Variants in ARNT2 observed in about 807,000 individuals in gnomAD.
The protein encoded by ARNT2 is aryl hydrocarbon receptor nuclear translocator 2.
ARNT2 carries 36 observed loss-of-function variants against 91.7 expected under a neutral mutation model. That is an observed-to-expected ratio of 0.39 (90% confidence interval 0.30 to 0.52). ARNT2 has a LOEUF of 0.52. ARNT2 is among the 20% of genes least tolerant of loss of function. The probability of loss-of-function intolerance (pLI) is 0.72; values close to 1 mark genes in which losing one functional copy is unlikely to be tolerated. For missense variants in ARNT2, 775 were observed against 939.3 expected (o/e 0.83, Z 2.29); for synonymous variants, 365 against 347.1 (o/e 1.05, Z -0.57).
chr15:80,557,776 C>T (rs1305707167), intron 11 of ARNT2, among the ~76,000 whole-genome samples: 2 of 152,132 alleles, frequency 1.3e-5, no homozygotes, highest in Non-Finnish European at 2.9e-5. Context: ...TTTCCTACCC[C>T]CCTGAACCAG....
chr15:80,573,964 T>C (rs1898624875), intron 12 of ARNT2, 184 bp from the exon 13 acceptor site: 16 of 576,528 alleles, frequency 2.8e-5, no homozygotes, highest in South Asian at 2.8e-4. Context: ...AGCCTAAACA[T>C]GAAATGCAAT....
At chr15:80,491,265 G>A (rs183131270) in intron 5 of ARNT2, among the ~76,000 whole-genome samples, 2 of 152,284 alleles carry the variant, frequency 1.3e-5, no homozygotes, top group East Asian at 3.9e-4. Context: ...CACATGGCTG[G>A]GGAGGCCTCA....
intron 1 of ARNT2, among the ~76,000 whole-genome samples, chr15:80,429,687 G>A (rs572384440): frequency 6.6e-6 from 1 of 152,318 alleles, no homozygotes; most frequent in East Asian, 1.9e-4. Flanking sequence ...TCTGAAGTGG[G>A]GCAGTCGTGT....
intron 12 of ARNT2, among the ~76,000 whole-genome samples, chr15:80,569,258 G>C (rs576138144): frequency 1.3e-5 from 2 of 152,116 alleles, no homozygotes; most frequent in African/African-American, 4.8e-5. Flanking sequence ...CCTGCACCTC[G>C]CCGGCAGGAA....
chr15:80,519,407 G>T (rs1214011567), intron 8 of ARNT2, among the ~76,000 whole-genome samples: 1 of 152,162 alleles, frequency 6.6e-6, no homozygotes, highest in Admixed American at 6.5e-5. Context: ...ATATACAATT[G>T]GTGGGGGCAG....
intron 8 of ARNT2, among the ~76,000 whole-genome samples, chr15:80,518,836 G>C (rs1418154162): frequency 6.6e-6 from 1 of 152,172 alleles, no homozygotes; most frequent in African/African-American, 2.4e-5. Context: ...TTCTGGTAAA[G>C]TCTTTTCTCT....
intron 1 of ARNT2, among the ~76,000 whole-genome samples, chr15:80,435,864 A>G (rs1896077794): frequency 7.1e-6 from 1 of 141,088 alleles, no homozygotes; most frequent in Admixed American, 7.4e-5. Flanking sequence ...GGTAAAAGGA[A>G]TTTGAGGAGA....
chr15:80,579,374 A>C (rs562017790), intron 15 of ARNT2, among the ~76,000 whole-genome samples: 2 of 152,246 alleles, frequency 1.3e-5, no homozygotes, highest in Non-Finnish European at 2.9e-5. Flanking sequence ...CTTGTTTTAC[A>C]ATGATCAGCT....
chr15:80,545,076 C>T (rs1260479570), intron 8 of ARNT2, among the ~76,000 whole-genome samples: 2 of 152,180 alleles, frequency 1.3e-5, no homozygotes, highest in Non-Finnish European at 2.9e-5. Context: ...AAGGACACCT[C>T]CTACCCTGAA....
intron 1 of ARNT2, chr15:80,444,904 T>C (rs1047453958): frequency 2.0e-5 from 3 of 149,694 alleles, no homozygotes; most frequent in African/African-American, 7.5e-5. Flanking sequence ...ATGGTGTGTA[T>C]GTATGTTGCT....
intron 5 of ARNT2, among the ~76,000 whole-genome samples, chr15:80,503,979 G>A (rs1595988892): frequency 6.6e-6 from 1 of 152,220 alleles, no homozygotes; most frequent in Non-Finnish European, 1.5e-5. Context: ...GACCATGTGT[G>A]CAGGATAGTT....
chr15:80,446,904 T>C (rs573602420), intron 1 of ARNT2, among the ~76,000 whole-genome samples: 17 of 152,370 alleles, frequency 1.1e-4, no homozygotes, highest in Admixed American at 9.8e-4. Flanking sequence ...CAGTTATATA[T>C]ACTTTCTCCT....
intron 11 of ARNT2, 123 bp from the exon 12 acceptor site, chr15:80,562,965 A>T: frequency 9.5e-7 from 1 of 1,057,094 alleles, no homozygotes; most frequent in Non-Finnish European, 1.4e-6. Context: ...TCTTTTAGCC[A>T]CAATGCCCCT....
chr15:80,515,582 G>T, intron 8 of ARNT2, among the ~76,000 whole-genome samples: 1 of 152,116 alleles, frequency 6.6e-6, no homozygotes, highest in East Asian at 1.9e-4. Context: ...GGTACTGCAG[G>T]GAAGAATGAG....
At chr15:80,432,688 G>T (rs1314834260) in intron 1 of ARNT2, among the ~76,000 whole-genome samples, 1 of 151,972 alleles carries the variant, frequency 6.6e-6, no homozygotes, top group African/African-American at 2.4e-5. Context: ...TGCTTGGGCT[G>T]AGGCCTCTGA....
At chr15:80,524,100 A>G (rs1317960495) in intron 8 of ARNT2, among the ~76,000 whole-genome samples, 5 of 152,238 alleles carry the variant, frequency 3.3e-5, no homozygotes, top group Admixed American at 6.5e-5. Flanking sequence ...GAAATGAGCA[A>G]AGGCAATGAA....
chr15:80,497,048 C>A (rs1566987370), intron 5 of ARNT2, among the ~76,000 whole-genome samples: 1 of 152,194 alleles, frequency 6.6e-6, no homozygotes, highest in Admixed American at 6.5e-5. Flanking sequence ...GGAAGGGAGG[C>A]AAGCTATCTG....
chr15:80,570,782 T>A lies in ARNT2; in HGVS notation c.1317-3366T>A, dbSNP rs1348577067. Reference sequence around the variant, plus strand: ...CCCACGCCTGTCTTTCCCTGGAGACTGTCAGTTCCATGAGGGCAGGGATCT... The same window carrying A: ...CCCACGCCTGTCTTTCCCTGGAGACAGTCAGTTCCATGAGGGCAGGGATCT... On this transcript the variant is annotated intron_variant, in intron 12 of 18. Coordinates refer to ENST00000303329, the MANE Select transcript of ARNT2 (RefSeq NM_014862.4). 2.6e-5 allele frequency among the ~76,000 whole-genome samples: 4 copies of A among 152,226 alleles called. No homozygotes were observed. In the South Asian group the frequency reaches 8.3e-4, roughly 32 times the overall value.
In ARNT2 at chr15:80,576,931, C is replaced by G. The variant is rs1363852743; in HGVS notation, c.1579C>G (p.Pro527Ala). The G allele has an allele frequency of 6.2e-7, 1 of 1,614,094 alleles. No homozygotes were observed. Among genetic ancestry groups the G allele is most frequent in the Non-Finnish European group, 8.5e-7 (1 of 1,180,042 alleles). Reference sequence around the variant, plus strand: ...CCAGCAGATCTACTCCCAAGGAAGCCCATTTCCCTCTGGACACTCCGGGAA... The same window carrying G: ...CCAGCAGATCTACTCCCAAGGAAGCGCATTTCCCTCTGGACACTCCGGGAA... Reference protein sequence around the residue: ...GTQQIYSQGSPFPSGHSGKAF... With the variant: ...GTQQIYSQGSAFPSGHSGKAF... Residue 527 changes from proline (P) to alanine (A), a missense_variant, in exon 15 of 19, where the codon CCA (proline) becomes GCA (alanine). Physicochemically the swap from Pro to Ala is conservative, Grantham distance 27. This residue lies in a region of ARNT2 where 325 missense variants were observed against 359.9 expected (regional missense o/e 0.90). Coordinates refer to ENST00000303329, the MANE Select transcript of ARNT2 (RefSeq NM_014862.4).
Sources: allele counts gnomAD v4.1 joint callset (sites outside exome capture counted in the v4.1 genomes callset), GRCh38; gene constraint gnomAD v4.1.1; regional missense constraint gnomAD v4.1.1; transcripts MANE v1.5; gene names NCBI Gene and HGNC (gene_info 2026-07-23, HGNC 2026-07-21).